The following DHRS7B variants were observed in gnomAD, a reference collection of about 807,000 sequenced individuals.
DHRS7B encodes the protein peroxisomal reductase activating PPAR-gamma.
DHRS7B carries 24 observed loss-of-function variants against 26.4 expected under a neutral mutation model. That is an observed-to-expected ratio of 0.91 (90% CI 0.66 to 1.28). The LOEUF (loss-of-function observed/expected upper bound fraction) is 1.28, where lower values mean the gene tolerates loss of function less well. Among genes scored for constraint, DHRS7B ranks in the 50% most tolerant of loss-of-function variants. DHRS7B has a pLI of 0.00. For missense variants in DHRS7B, 368 were observed against 419.4 expected (o/e 0.88, Z 1.07); for synonymous variants, 142 against 166.4 (o/e 0.85, Z 1.13).
chr17:21,185,559 C>G (rs1974612158), intron 5 of DHRS7B, among the ~76,000 whole-genome samples: 1 of 152,166 alleles, frequency 6.6e-6, no homozygotes, highest in African/African-American at 2.4e-5. Context: ...TGTTAATATT[C>G]TCTTTCAGCT....
chr17:21,190,760 A>T (rs897415945), intron 6 of DHRS7B, among the ~76,000 whole-genome samples, 188 bp from the exon 7 acceptor site: 1 of 152,120 alleles, frequency 6.6e-6, no homozygotes, highest in African/African-American at 2.4e-5. Flanking sequence ...CCAGCTGCAA[A>T]ATGGTTCCCT....
intron 1 of DHRS7B, chr17:21,171,714 C>T (rs1228276941): frequency 1.2e-5 from 6 of 487,586 alleles, no homozygotes; most frequent in Non-Finnish European, 2.3e-5. Flanking sequence ...TGACACACCA[C>T]CTCTTCCTGT....
chr17:21,141,887 A>G (rs1162759385), intron 1 of DHRS7B, among the ~76,000 whole-genome samples: 4 of 152,188 alleles, frequency 2.6e-5, no homozygotes, highest in Non-Finnish European at 2.9e-5. Flanking sequence ...GCTGGTACCA[A>G]GCACCAATAG....
chr17:21,177,386 C>T (rs1974405312), intron 2 of DHRS7B, among the ~76,000 whole-genome samples: 2 of 152,194 alleles, frequency 1.3e-5, no homozygotes, highest in African/African-American at 4.8e-5. Context: ...AGTTTAGTTT[C>T]TGTTTCTTGC....
At chr17:21,156,615 TATA>T (rs1973886361) in intron 1 of DHRS7B, among the ~76,000 whole-genome samples, 1 of 134,622 alleles carries the variant, frequency 7.4e-6, no homozygotes, top group Non-Finnish European at 1.6e-5. Flanking sequence ...AAAAAATAAT[TATA>T]ATAAAAAAAA....
intron 1 of DHRS7B, among the ~76,000 whole-genome samples, chr17:21,159,151 T>C (rs1447505163): frequency 6.6e-6 from 1 of 152,118 alleles, no homozygotes; most frequent in African/African-American, 2.4e-5. Context: ...TAAACTGGAC[T>C]TCATTAAAAT....
intron 1 of DHRS7B, among the ~76,000 whole-genome samples, chr17:21,157,909 C>T (rs1351995941): frequency 6.6e-6 from 1 of 151,730 alleles, no homozygotes; most frequent in Non-Finnish European, 1.5e-5. Flanking sequence ...TGCACCACTG[C>T]ACCCCAGCTT....
rs1973563820 is a variant in DHRS7B, at chr17:21,143,165, G to A, written c.20+16174G>A. On this transcript the variant is annotated intron_variant, in intron 1 of 6. Coordinates refer to ENST00000395511, the MANE Select transcript of DHRS7B (RefSeq NM_015510.5). ...GCTAGTCTCGAACTCGACCTCAGGTGATCCGCCCACCTCGGCTTCCCAAAG... is the reference window on the plus strand; with the variant it reads ...GCTAGTCTCGAACTCGACCTCAGGTAATCCGCCCACCTCGGCTTCCCAAAG... Among the ~76,000 whole-genome samples, 3 of 152,200 alleles carry A rather than the reference G, an allele frequency of 2.0e-5. No individual in the cohort carries two copies. The South Asian group carries it at 6.2e-4, about 32-fold the overall frequency.
At chr17:21,139,949 A>T (rs1275066748) in intron 1 of DHRS7B, among the ~76,000 whole-genome samples, 1 of 151,622 alleles carries the variant, frequency 6.6e-6, no homozygotes, top group Non-Finnish European at 1.5e-5. Context: ...ATACACAGAC[A>T]TATAGGCATG....
chr17:21,137,171 A>C (rs567485785), intron 1 of DHRS7B, among the ~76,000 whole-genome samples: 20 of 151,594 alleles, frequency 1.3e-4, no homozygotes, highest in Non-Finnish European at 2.6e-4. Flanking sequence ...GGGTTTCACT[A>C]TTCTGGCCAG....
intron 1 of DHRS7B, among the ~76,000 whole-genome samples, chr17:21,157,821 T>C (rs1347608153): frequency 1.3e-5 from 2 of 152,076 alleles, no homozygotes; most frequent in African/African-American, 4.8e-5. Context: ...GGCACACTAC[T>C]GTAGTGCCAG....
At chr17:21,139,759 C>G (rs945158409) in intron 1 of DHRS7B, among the ~76,000 whole-genome samples, 2 of 151,924 alleles carry the variant, frequency 1.3e-5, no homozygotes, top group Non-Finnish European at 2.9e-5. Context: ...TAAGACATTT[C>G]TAATGTTTCC....
intron 1 of DHRS7B, among the ~76,000 whole-genome samples, chr17:21,150,475 G>C (rs1973746245): frequency 6.6e-6 from 1 of 152,274 alleles, no homozygotes; most frequent in East Asian, 1.9e-4. Context: ...ATATTATCCG[G>C]GCGTGGTGGT....
intron 2 of DHRS7B, among the ~76,000 whole-genome samples, 191 bp from the exon 3 acceptor site, chr17:21,178,042 C>T (rs993685239): frequency 2.0e-5 from 3 of 152,262 alleles, no homozygotes; most frequent in Non-Finnish European, 4.4e-5. Flanking sequence ...TTCTCTTTGC[C>T]CTGTGGATGT....
intron 1 of DHRS7B, among the ~76,000 whole-genome samples, chr17:21,131,377 C>A (rs1973226394): frequency 6.6e-6 from 1 of 152,198 alleles, no homozygotes; most frequent in Admixed American, 6.5e-5. Flanking sequence ...TATAGGGTAA[C>A]TTCTTGACAT....
At chr17:21,150,856 C>T (rs1973754296) in intron 1 of DHRS7B, among the ~76,000 whole-genome samples, 1 of 152,190 alleles carries the variant, frequency 6.6e-6, no homozygotes, top group South Asian at 2.1e-4. Context: ...AAATTAATCA[C>T]AGCTGCAAAG....
At chr17:21,132,551 A>C (rs1300420330) in intron 1 of DHRS7B, among the ~76,000 whole-genome samples, 2 of 125,310 alleles carry the variant, frequency 1.6e-5, no homozygotes, top group Non-Finnish European at 3.3e-5. Flanking sequence ...AAAAAAAAAC[A>C]AAAAAAAAAC....
rs114747428 is a variant in DHRS7B, at chr17:21,148,330, T to C, written c.20+21339T>C. Among the ~76,000 whole-genome samples, 999 of 152,000 alleles carry C rather than the reference T, an allele frequency of 6.6e-3. 10 individuals are homozygous for C. Among genetic ancestry groups the C allele is most frequent in the African/African-American group, 0.021 (866 of 41,476 alleles). ...AAATTTATCAGAGAAACTTAAGATA[T>C]TGAAATAAGAAACAGAAGTCTCAGA... On this transcript the variant is annotated intron_variant, in intron 1 of 6. Coordinates refer to ENST00000395511, the MANE Select transcript of DHRS7B (RefSeq NM_015510.5).
chr17:21,174,990 G>A (rs1007420012), intron 2 of DHRS7B, among the ~76,000 whole-genome samples: 2 of 152,176 alleles, frequency 1.3e-5, no homozygotes, highest in African/African-American at 4.8e-5. Context: ...TGCTCTCTCC[G>A]GGCTTTTGCC....
Sources: allele counts gnomAD v4.1 joint callset (sites outside exome capture counted in the v4.1 genomes callset), GRCh38; gene constraint gnomAD v4.1.1; transcripts MANE v1.5; gene names NCBI Gene and HGNC (gene_info 2026-07-23, HGNC 2026-07-21).